Variants in TFCP2L1 observed in about 807,000 individuals in gnomAD.
TFCP2L1 encodes transcription factor CP2-like protein 1.
In TFCP2L1, 12 loss-of-function variants were observed where a neutral mutation model predicts 72.2. That is an observed-to-expected ratio of 0.17 (90% CI 0.11 to 0.27). The LOEUF (loss-of-function observed/expected upper bound fraction) is 0.27, where lower values mean the gene tolerates loss of function less well. TFCP2L1 is among the 10% of genes least tolerant of loss of function. TFCP2L1 has a pLI of 1.00. For missense variants in TFCP2L1, 488 were observed against 624.6 expected, an observed-to-expected ratio of 0.78 and a Z score of 2.33; for synonymous variants, 260 against 251.0, an observed-to-expected ratio of 1.04 and a Z score of -0.34.
At chr2:121,259,730 T>C (rs1392782809) in intron 2 of TFCP2L1, among the ~76,000 whole-genome samples, 1 of 152,238 alleles carries the variant, frequency 6.6e-6, no homozygotes, top group Non-Finnish European at 1.5e-5. Context: ...ACTTTTGTTT[T>C]AAAATAAGTT....
intron 2 of TFCP2L1, among the ~76,000 whole-genome samples, chr2:121,276,334 TGTTA>T (rs3075143): frequency 0.49 from 73,648 of 150,942 alleles, 18,276 homozygotes; most frequent in Middle Eastern, 0.56. Flanking sequence ...TCTGTTCCTG[TGTTA>T]GTTTGCTGAG....
intron 1 of TFCP2L1, among the ~76,000 whole-genome samples, chr2:121,283,122 C>A (rs1275019015): frequency 1.3e-5 from 2 of 152,264 alleles, no homozygotes; most frequent in South Asian, 2.1e-4. Context: ...ATTTTTTAAA[C>A]AGGGGCGGGT....
At chr2:121,268,179 T>C (rs540171509) in intron 2 of TFCP2L1, among the ~76,000 whole-genome samples, 215 of 152,230 alleles carry the variant, frequency 1.4e-3, no homozygotes, top group Non-Finnish European at 2.6e-3. Context: ...TTTATTAGTT[T>C]AGCCTGAGAT....
chr2:121,228,750 TAC>T (rs1480895591), intron 13 of TFCP2L1, among the ~76,000 whole-genome samples: 7 of 117,484 alleles, frequency 6.0e-5, no homozygotes, highest in Non-Finnish European at 4.9e-5. Context: ...CAGCCTGGGT[TAC>T]AGAGTGAAAC....
At chr2:121,225,452 T>C (rs1263078005) in intron 14 of TFCP2L1, 110 bp downstream of exon 14, 3 of 1,071,098 alleles carry the variant, frequency 2.8e-6, no homozygotes, top group Non-Finnish European at 2.8e-6. Context: ...GCTTTCTTTT[T>C]CTCAAAGGCT....
At chr2:121,239,069 C>G (rs1388301382) in intron 8 of TFCP2L1, among the ~76,000 whole-genome samples, 1 of 152,132 alleles carries the variant, frequency 6.6e-6, no homozygotes, top group Admixed American at 6.5e-5. Context: ...TCCTCAGGGT[C>G]CATGTGGCCT....
In TFCP2L1 at chr2:121,223,154, C is replaced by G. The variant is rs1271742146; in HGVS notation, c.*1187G>C. ...TCCCATTCAGGTGGTCAGAGGGTTC[C>G]CCATGAACCTAAATTAACCAAGAGC... On this transcript the variant is annotated 3_prime_UTR_variant, in exon 15 of 15. Transcript: ENST00000263707. 1 of 152,120 alleles carries G rather than the reference C, an allele frequency of 6.6e-6. No homozygotes were observed. The allele number at this position is 152,120 out of a possible 1,614,324, so 9.4% of individuals were successfully genotyped here. A position where few individuals can be genotyped will look rare whatever the true frequency, so the allele number is the denominator to read the frequency against.
At position 121,231,948 on chromosome 2, in the gene TFCP2L1, C is replaced by T; in HGVS notation, c.1219G>A (p.Glu407Lys). 6.2e-7 allele frequency: 1 copy of T among 1,606,254 alleles called. No individual in the cohort carries two copies. Among genetic ancestry groups the T allele is most frequent in the South Asian group, 1.1e-5 (1 of 90,224 alleles). Reference protein sequence around the residue: ...NLSVYHAIFLEELTTLELIEK... With the variant: ...NLSVYHAIFLKELTTLELIEK... Reference sequence around the variant, plus strand: ...ATCAGCTCCAAGGTGGTCAGCTCTTCCAGGAAGATGGCGTGGTACACTGGG... The same window carrying T: ...ATCAGCTCCAAGGTGGTCAGCTCTTTCAGGAAGATGGCGTGGTACACTGGG... Residue 407 changes from glutamate to lysine, a missense_variant, in exon 13 of 15, where the codon GAA (glutamate) becomes AAA (lysine). Glu to Lys is a moderately conservative substitution (Grantham distance 56, BLOSUM62 1). This residue lies in a region of TFCP2L1 where 286 missense variants were observed against 329.0 expected (regional missense o/e 0.87). Transcript: ENST00000263707.
At chr2:121,257,775 C>T (rs1017514332) in intron 2 of TFCP2L1, among the ~76,000 whole-genome samples, 38 of 152,232 alleles carry the variant, frequency 2.5e-4, no homozygotes, top group Admixed American at 2.2e-3. Context: ...TTCATTCAAA[C>T]ACTGAACTTG....
chr2:121,279,542 G>A (rs972340015), intron 2 of TFCP2L1, among the ~76,000 whole-genome samples: 2 of 152,182 alleles, frequency 1.3e-5, no homozygotes, highest in Non-Finnish European at 2.9e-5. Flanking sequence ...ACAATGAGAG[G>A]GGGTTGCTTC....
chr2:121,247,027 A>C, intron 5 of TFCP2L1, 57 bp from the exon 6 acceptor site: 2 of 1,601,736 alleles, frequency 1.2e-6, no homozygotes, highest in Non-Finnish European at 1.7e-6. Context: ...GTGCCCCTGG[A>C]TCCCCCAAGC....
Position 121,220,624 on chromosome 2 carries a change from G to A in TFCP2L1, c.*3717C>T, listed in dbSNP as rs1364192277. ...AGCCACAGGTTGGTGGGAATGCCCT[G>A]GGAAGAGCTGTCCTGCTCAATAGGC... is the stretch of plus-strand genomic sequence containing the variant. On this transcript the variant is annotated 3_prime_UTR_variant, in exon 15 of 15. Coordinates refer to ENST00000263707, the MANE Select transcript of TFCP2L1 (RefSeq NM_014553.3). 2.6e-5 allele frequency: 4 copies of A among 152,196 alleles called. No homozygotes were observed. Among genetic ancestry groups the A allele is most frequent in the Non-Finnish European group, 5.9e-5 (4 of 68,078 alleles). The allele number at this position is 152,196 out of a possible 1,614,324, so 9.4% of individuals were successfully genotyped here.
At chr2:121,270,894 T>TC (rs70954541) in intron 2 of TFCP2L1, among the ~76,000 whole-genome samples, 2 of 145,926 alleles carry the variant, frequency 1.4e-5, no homozygotes, top group African/African-American at 5.1e-5. Context: ...TTTTTTTTTT[T>TC]AAAGCAAGTT....
intron 2 of TFCP2L1, among the ~76,000 whole-genome samples, chr2:121,250,008 C>T (rs924342506): frequency 6.6e-6 from 1 of 152,332 alleles, no homozygotes; most frequent in Admixed American, 6.5e-5. Flanking sequence ...GAGAACACAG[C>T]TACTTAAGTT....
intron 2 of TFCP2L1, among the ~76,000 whole-genome samples, chr2:121,279,689 G>T (rs184865069): frequency 1.4e-4 from 22 of 152,310 alleles, no homozygotes; most frequent in African/African-American, 5.1e-4. Context: ...CCAAATTGAG[G>T]AATCAAAGTT....
In TFCP2L1 at chr2:121,249,103, A is replaced by G. The variant is rs1686549853; in HGVS notation, c.292-16T>C. 2 of 1,541,562 alleles carry G rather than the reference A, an allele frequency of 1.3e-6. No homozygotes were observed. Among genetic ancestry groups the G allele is most frequent in the Non-Finnish European group, 1.8e-6 (2 of 1,140,800 alleles). On this transcript the variant is annotated splice_polypyrimidine_tract_variant and intron_variant, in intron 3 of 14. Coordinates refer to ENST00000263707, the MANE Select transcript of TFCP2L1 (RefSeq NM_014553.3). Reference sequence around the variant, plus strand: ...GGATGATGCTCTGGGGAGGGAGGCCAGCAGGGAAACAAGTGACCGCGGGGG... The same window carrying G: ...GGATGATGCTCTGGGGAGGGAGGCCGGCAGGGAAACAAGTGACCGCGGGGG...
At chr2:121,231,495 A>C (rs1078441) in intron 13 of TFCP2L1, among the ~76,000 whole-genome samples, 63,142 of 152,108 alleles carry the variant, frequency 0.42, 14,797 homozygotes, top group Non-Finnish European at 0.53. Context: ...CTCCCTGGGG[A>C]CTGTCGCCCA....
intron 10 of TFCP2L1, 98 bp from the exon 11 acceptor site, chr2:121,235,409 G>T (rs1199385059): frequency 1.4e-5 from 16 of 1,170,592 alleles, no homozygotes; most frequent in Non-Finnish European, 2.0e-5. Flanking sequence ...GGGGTGGGGG[G>T]TGGGGAAGAG....
intron 7 of TFCP2L1, among the ~76,000 whole-genome samples, chr2:121,241,197 G>A (rs1018062080): frequency 1.3e-5 from 2 of 152,236 alleles, no homozygotes; most frequent in Admixed American, 6.5e-5. Context: ...GCTGCAACTC[G>A]TAAAGGGAAG....
Sources: gnomAD v4.1 joint callset for allele counts (sites outside exome capture counted in the v4.1 genomes callset) on GRCh38, gnomAD v4.1.1 for gene constraint, gnomAD v4.1.1 regional missense constraint, MANE v1.5 for transcripts, NCBI Gene and HGNC (gene_info 2026-07-23, HGNC 2026-07-21) for gene names.